MSL3: variants seen among roughly 807,000 people sequenced by gnomAD.
MSL3 encodes MSL complex subunit 3.
Under a neutral mutation model 37.2 loss-of-function variants are expected in MSL3, and 5 were observed. The observed-to-expected ratio is 0.13, with a 90% CI of 0.07 to 0.28. The LOEUF (loss-of-function observed/expected upper bound fraction) is 0.28. MSL3 is among the 10% of genes least tolerant of loss of function. The pLI, the probability that MSL3 is intolerant of heterozygous loss-of-function variation, is 1.00. For missense variants in MSL3, 315 were observed against 408.5 expected (o/e 0.77, Z 1.97); for synonymous variants, 149 against 147.6 (o/e 1.01, Z -0.07).
chrX:11,771,204 C>T (rs188833846), intron 10 of MSL3, among the ~76,000 whole-genome samples: 30 of 112,529 alleles, frequency 2.7e-4, no homozygotes, highest in Non-Finnish European at 4.1e-4. Context: ...GGACTTCCTC[C>T]AGTCTGACTG....
intron 10 of MSL3, among the ~76,000 whole-genome samples, chrX:11,769,602 T>G (rs2053214397): frequency 9.0e-6 from 1 of 110,835 alleles, no homozygotes; most frequent in Admixed American, 9.5e-5. Context: ...CAAAGAACAT[T>G]TTTTTCTTTT....
At chrX:11,768,420 A>C (rs2053204268) in intron 9 of MSL3, 153 bp from the exon 10 acceptor site, 3 of 419,592 alleles carry the variant, frequency 7.1e-6, no homozygotes. Context: ...TAACCAAATA[A>C]AATTCAGGTG....
Position 11,758,297 on chromosome X carries a change from C to T in MSL3, c.34C>T (p.His12Tyr), listed in dbSNP as rs1489547680. Residue 12 changes from histidine to tyrosine, a missense_variant, in exon 1 of 13, where the codon CAC becomes TAC. Transcript: ENST00000312196. ...SASEGMKFKF[H>Y]SGEKVLCFEP... ...GAGCGAGGGCATGAAATTTAAATTC[C>T]ACTCAGGGGAGAAAGTGCTGTGCTT... 9.1e-7 allele frequency: 1 copy of T among 1,103,122 alleles called. No individual in the cohort carries two copies. Among genetic ancestry groups the T allele is most frequent in the Non-Finnish European group, 1.2e-6 (1 of 834,902 alleles). 90.9% of individuals were successfully genotyped at this position (1,103,122 alleles called of 1,213,427 possible).
intron 1 of MSL3, among the ~76,000 whole-genome samples, chrX:11,759,081 C>T (rs1036447739): frequency 8.9e-6 from 1 of 111,745 alleles, no homozygotes; most frequent in East Asian, 2.8e-4. Context: ...CACCAGGTCT[C>T]CCAGATCCCC....
At chrX:11,758,585 C>A (rs923613164) in intron 1 of MSL3, 19 of 1,117,590 alleles carry the variant, frequency 1.7e-5, no homozygotes, top group Non-Finnish European at 2.1e-5. Flanking sequence ...GGGCGGCGCA[C>A]GCGCGGTTGG....
At chrX:11,764,570 C>A (rs767743703) in intron 8 of MSL3, among the ~76,000 whole-genome samples, 1 of 111,427 alleles carries the variant, frequency 9.0e-6, no homozygotes, top group South Asian at 3.9e-4. Flanking sequence ...CTCCCTCTTC[C>A]CTCTCTTCCT....
chrX:11,770,942 A>G (rs2053227270), intron 10 of MSL3, among the ~76,000 whole-genome samples: 1 of 111,808 alleles, frequency 8.9e-6, no homozygotes, highest in Non-Finnish European at 1.9e-5. Context: ...GGTGCTGGGG[A>G]TGCTGTAAAG....
At chrX:11,767,474 T>C (rs2053194103) in intron 9 of MSL3, 1 of 132,603 alleles carries the variant, frequency 7.5e-6, no homozygotes, top group Non-Finnish European at 1.4e-5. Context: ...AAGAAAAAGT[T>C]AGCCAGGTGT....
intron 4 of MSL3, 46 bp from the exon 5 acceptor site, chrX:11,761,454 G>A (rs757610984): frequency 1.9e-5 from 17 of 901,298 alleles, no homozygotes; most frequent in Admixed American, 7.6e-5. Flanking sequence ...ATAAGGGTTG[G>A]TGAAGTATAA....
chrX:11,770,049 CGTGGCTCTGCCATAAACAAAGGGGT>C (rs1176855400), intron 10 of MSL3, among the ~76,000 whole-genome samples: 18 of 113,098 alleles, frequency 1.6e-4, no homozygotes, highest in Non-Finnish European at 2.8e-4. Flanking sequence ...AACAAAGGGA[CGTGGCTCTGCCATAAACAAAGGGGT>C]GTGGCTCTGT....
chrX:11,771,786 G>A (rs780776797), intron 10 of MSL3, among the ~76,000 whole-genome samples: 2 of 111,787 alleles, frequency 1.8e-5, no homozygotes, highest in East Asian at 5.6e-4. Context: ...TCAACATGTT[G>A]GCCAGGCTGG....
intron 1 of MSL3, 112 bp from the exon 2 acceptor site, chrX:11,759,681 A>G (rs2053110917): frequency 7.8e-6 from 9 of 1,158,526 alleles, no homozygotes; most frequent in Admixed American, 2.6e-5. Flanking sequence ...CTGTCGGTCT[A>G]AAAGAGGAGA....
chrX:11,771,898 A>G (rs971325013), intron 10 of MSL3, among the ~76,000 whole-genome samples: 8 of 112,442 alleles, frequency 7.1e-5, no homozygotes, highest in African/African-American at 1.9e-4. Context: ...AGAATTTTCA[A>G]TAAAGAGAAA....
chrX:11,758,417 G>A (rs1475662566), intron 1 of MSL3, 52 bp downstream of exon 1: 6 of 919,633 alleles, frequency 6.5e-6, no homozygotes, highest in Admixed American at 4.4e-5. Flanking sequence ...ACCCGGGACC[G>A]GGGGCGGGGG....
intron 8 of MSL3, chrX:11,764,152 C>A: frequency 3.0e-6 from 1 of 334,264 alleles, no homozygotes; most frequent in South Asian, 8.0e-5. Context: ...AAGTGAAGAC[C>A]CCAGCATAGA....
intron 3 of MSL3, 69 bp downstream of exon 3, chrX:11,760,567 G>C: frequency 2.7e-6 from 2 of 747,982 alleles, no homozygotes; most frequent in South Asian, 3.2e-5. Context: ...AGATTTTTAT[G>C]ATATAAAAGT....
At chrX:11,758,804 G>A (rs770054098) in intron 1 of MSL3, 4 of 1,147,954 alleles carry the variant, frequency 3.5e-6, no homozygotes, top group Non-Finnish European at 4.7e-6. Flanking sequence ...GGCGCTGGCC[G>A]CTGACTTGCG....
In MSL3 at chrX:11,760,429, A is replaced by G; in HGVS notation, c.212A>G (p.His71Arg). 8.3e-7 allele frequency: 1 copy of G among 1,204,036 alleles called. No individual in the cohort carries two copies. The highest frequency in any genetic ancestry group is 1.1e-6 in the Non-Finnish European group (1 of 892,208). ...RSWDRWAAED[H>R]VLRDTDENRR... ...TGGGATAGATGGGCAGCAGAAGATC[A>G]TGTGCTTCGTGATACCGATGAAAAT... The change falls in exon 3 of 13, where the codon CAT becomes CGT. Residue 71 changes from histidine (H) to arginine (R), a missense_variant. His to Arg is a conservative substitution (Grantham distance 29). Transcript: ENST00000312196.
chrX:11,765,824 G>A, intron 9 of MSL3, 95 bp downstream of exon 9: 1 of 1,156,261 alleles, frequency 8.6e-7, no homozygotes, highest in East Asian at 3.0e-5. Flanking sequence ...ACATGTGTGT[G>A]TGTACAGTGC....
Sources: gnomAD v4.1 joint callset for allele counts (sites outside exome capture counted in the v4.1 genomes callset) on GRCh38, gnomAD v4.1.1 for gene constraint, MANE v1.5 for transcripts, NCBI Gene and HGNC (gene_info 2026-07-23, HGNC 2026-07-21) for gene names.